G6PC3: variants seen among roughly 807,000 people sequenced by gnomAD.
G6PC3 encodes the protein glucose-6-phosphatase catalytic subunit 3.
In G6PC3, 30 loss-of-function variants were observed where a neutral mutation model predicts 38.6. The observed-to-expected ratio is 0.78, with a 90% CI of 0.58 to 1.05. The LOEUF is 1.05. Ranked by LOEUF, G6PC3 falls within the 50% of genes least tolerant of loss-of-function variation. The pLI is 0.00. For synonymous variants in G6PC3, 192 were observed against 178.1 expected (o/e 1.08, Z -0.62); for missense variants, 377 against 443.1 (o/e 0.85, Z 1.34).
Position 44,075,035 on chromosome 17 carries a change from A to G in G6PC3, c.483A>G (p.Arg161=). ...CTFLLAVGLS[R]IFILAHFPHQ... ...TCCTTTTGGCGGTTGGCTTGTCGCGAATCTTCATCTTAGCACATTTCCCTC... is the reference window on the plus strand; with the variant it reads ...TCCTTTTGGCGGTTGGCTTGTCGCGGATCTTCATCTTAGCACATTTCCCTC... Residue 161 remains arginine, a synonymous_variant, in exon 4 of 6, where the codon CGA becomes CGG. Coordinates refer to ENST00000269097, the MANE Select transcript of G6PC3 (RefSeq NM_138387.4). 6.2e-7 allele frequency: 1 copy of G among 1,614,056 alleles called. No individual in the cohort carries two copies. Among genetic ancestry groups the G allele is most frequent in the Non-Finnish European group, 8.5e-7 (1 of 1,179,996 alleles).
intron 1 of G6PC3, chr17:44,073,089 A>C (rs1036687160): frequency 6.6e-6 from 1 of 152,260 alleles, no homozygotes; most frequent in Non-Finnish European, 1.5e-5. Flanking sequence ...TTCTGGCCAC[A>C]GCAGCCTCTT....
At position 44,075,248 on chromosome 17, in the gene G6PC3, G is replaced by A. The variant is rs554263421; in HGVS notation, c.536-62G>A. 19 of 1,604,932 alleles carry A rather than the reference G, an allele frequency of 1.2e-5. No homozygotes were observed. The East Asian group carries it at 2.5e-4, about 21-fold the overall frequency. ...TTGCCAAGCTGCACTGCAGCTGGGGGTCGGGGTGGGGAGGGTCATATCCCC... is the reference window on the plus strand; with the variant it reads ...TTGCCAAGCTGCACTGCAGCTGGGGATCGGGGTGGGGAGGGTCATATCCCC... On this transcript the variant is annotated intron_variant, in intron 4 of 5. Transcript: ENST00000269097.
At position 44,075,824 on chromosome 17, in the gene G6PC3, T is replaced by C. The variant is rs888765058; in HGVS notation, c.822T>C (p.Arg274=). ...ALHSPCYAQV[R]RAQLGNGQKI... ...ACTCTCCCTGCTATGCCCAGGTGCG[T>C]CGGGCACAGCTGGGAAATGGCCAGA... is the stretch of plus-strand genomic sequence containing the variant. Residue 274 remains arginine, a synonymous_variant, in exon 6 of 6, where the codon CGT becomes CGC. Coordinates refer to ENST00000269097, the MANE Select transcript of G6PC3 (RefSeq NM_138387.4). 2 of 1,611,590 alleles carry C rather than the reference T, an allele frequency of 1.2e-6. No homozygotes were observed. Among genetic ancestry groups the C allele is most frequent in the Non-Finnish European group, 8.5e-7 (1 of 1,180,016 alleles).
chr17:44,071,383 G>C (rs534089993), intron 1 of G6PC3, 200 bp downstream of exon 1: 5 of 869,472 alleles, frequency 5.8e-6, no homozygotes, highest in Non-Finnish European at 8.6e-6. Flanking sequence ...CATTAGACCA[G>C]TGTTCTTCAA....
chr17:44,073,960 A>C, intron 1 of G6PC3, 200 bp from the exon 2 acceptor site: 1 of 635,560 alleles, frequency 1.6e-6, no homozygotes, highest in Non-Finnish European at 2.8e-6. Context: ...GAAAAGAAAT[A>C]GTGTGCTTTC....
rs1158531976 is a variant in G6PC3, at chr17:44,070,947, G to T, written c.-19G>T. 1 of 1,548,668 alleles carries T rather than the reference G, an allele frequency of 6.5e-7. No individual in the cohort carries two copies. Among genetic ancestry groups the T allele is most frequent in the African/African-American group, 1.4e-5 (1 of 73,160 alleles). On this transcript the variant is annotated 5_prime_UTR_variant, in exon 1 of 6. Coordinates refer to ENST00000269097, the MANE Select transcript of G6PC3 (RefSeq NM_138387.4). Reference sequence around the variant, plus strand: ...TCCGCCCTGGAGCAAGCCGGGGCCTGGTCGGCAGCTGGGCCGCCATGGAGT... The same window carrying T: ...TCCGCCCTGGAGCAAGCCGGGGCCTTGTCGGCAGCTGGGCCGCCATGGAGT...
At chr17:44,071,454 T>TCTCA in intron 1 of G6PC3, 1 of 625,370 alleles carries the variant, frequency 1.6e-6, no homozygotes, top group Non-Finnish European at 2.6e-6. Context: ...CCCATCCTCA[T>TCTCA]CTCACACTTA....
Position 44,071,153 on chromosome 17 carries a change from T to C in G6PC3, c.188T>C (p.Ile63Thr), listed in dbSNP as rs1370602643. Residue 63 changes from isoleucine to threonine, a missense_variant, in exon 1 of 6, where the codon ATC (isoleucine) becomes ACC (threonine). Coordinates refer to ENST00000269097, the MANE Select transcript of G6PC3 (RefSeq NM_138387.4). ...VGIAVLWISL[I>T]TEWLNLIFKW... ...ATCGCGGTGCTCTGGATCAGCCTCATCACCGAGTGGCTCAACCTCATCTTC... is the reference window on the plus strand; with the variant it reads ...ATCGCGGTGCTCTGGATCAGCCTCACCACCGAGTGGCTCAACCTCATCTTC... The C allele has an allele frequency of 6.2e-7, 1 of 1,613,796 alleles. No homozygotes were observed. The highest frequency in any genetic ancestry group is 8.5e-7 in the Non-Finnish European group (1 of 1,180,006).
Position 44,071,037 on chromosome 17 carries a change from C to A in G6PC3, c.72C>A (p.Asn24Lys). 6.3e-7 allele frequency: 1 copy of A among 1,595,448 alleles called. No individual in the cohort carries two copies. Among genetic ancestry groups the A allele is most frequent in the Non-Finnish European group, 8.5e-7 (1 of 1,170,438 alleles). Reference protein sequence around the residue: ...ALQNQLAWLENVWLWITFLGD... With the variant: ...ALQNQLAWLEKVWLWITFLGD... ...AGAACCAGCTAGCCTGGCTGGAGAA[C>A]GTGTGGCTCTGGATCACCTTTCTGG... Residue 24 changes from asparagine to lysine, a missense_variant, in exon 1 of 6, where the codon AAC (asparagine) becomes AAA (lysine). Physicochemically the swap from Asn to Lys is moderately conservative, Grantham distance 94 (BLOSUM62 0). Transcript: ENST00000269097.
intron 1 of G6PC3, chr17:44,073,094 C>G (rs898065943): frequency 6.6e-6 from 1 of 152,310 alleles, no homozygotes; most frequent in African/African-American, 2.4e-5. Flanking sequence ...GCCACAGCAG[C>G]CTCTTCATTG....
In G6PC3 at chr17:44,074,123, G is replaced by C. The variant is rs1224787448; in HGVS notation, c.219-37G>C. On this transcript the variant is annotated intron_variant, in intron 1 of 5. Transcript: ENST00000269097. ...CCTTGTACCCCCCCTGGCTGTGTGT[G>C]CATGTGGAAAGTCATCTTGCATCTG... 4.9e-6 allele frequency: 7 copies of C among 1,429,942 alleles called. No homozygotes were observed. The African/African-American group carries it at 7.0e-5, about 14-fold the overall frequency. 88.6% of individuals were successfully genotyped at this position (1,429,942 alleles called of 1,614,324 possible).
At chr17:44,075,485 C>T (rs2050076876) in intron 5 of G6PC3, 34 bp downstream of exon 5, 1 of 1,613,676 alleles carries the variant, frequency 6.2e-7, no homozygotes, top group Non-Finnish European at 8.5e-7. Context: ...GCAGGCTGGG[C>T]CCTGTCCTAT....
chr17:44,073,837 T>G, intron 1 of G6PC3: 1 of 347,892 alleles, frequency 2.9e-6, no homozygotes, highest in Non-Finnish European at 5.6e-6. Flanking sequence ...CAAGTGATCC[T>G]CCAGCTAAGG....
chr17:44,074,343 G>A (rs753535837), intron 2 of G6PC3, 77 bp downstream of exon 2: 1 of 1,189,894 alleles, frequency 8.4e-7, no homozygotes, highest in African/African-American at 1.5e-5. Flanking sequence ...TTTTCAGCCT[G>A]GGTGGCCCAA....
chr17:44,071,832 A>G (rs1042055383), intron 1 of G6PC3: 2 of 443,838 alleles, frequency 4.5e-6, no homozygotes, highest in Non-Finnish European at 9.1e-6. Flanking sequence ...GTGCGTATGC[A>G]GTAAAGTTTG....
At chr17:44,074,379 G>T in intron 2 of G6PC3, 113 bp downstream of exon 2, 1 of 894,448 alleles carries the variant, frequency 1.1e-6, no homozygotes, top group East Asian at 2.4e-5. Flanking sequence ...CTCAATTACT[G>T]GCGCAGAGAA....
intron 1 of G6PC3, chr17:44,072,973 T>C (rs865826728): frequency 6.6e-6 from 1 of 152,180 alleles, no homozygotes; most frequent in African/African-American, 2.4e-5. Flanking sequence ...TTGTTGTATA[T>C]ATACTAGGCT....
At chr17:44,074,848 C>A in intron 3 of G6PC3, 78 bp downstream of exon 3, 1 of 1,510,012 alleles carries the variant, frequency 6.6e-7, no homozygotes, top group Non-Finnish European at 9.2e-7. Context: ...AGCATGGCAG[C>A]CTGGGAGCTG....
At chr17:44,074,570 G>A in intron 2 of G6PC3, 110 bp from the exon 3 acceptor site, 1 of 910,020 alleles carries the variant, frequency 1.1e-6, no homozygotes, top group Non-Finnish European at 1.8e-6. Flanking sequence ...ATCAGTGCTG[G>A]GGAAAAGCTC....
Sources: gnomAD v4.1 joint callset for allele counts on GRCh38, gnomAD v4.1.1 for gene constraint, MANE v1.5 for transcripts, NCBI Gene and HGNC (gene_info 2026-07-23, HGNC 2026-07-21) for gene names.